GLRB: variants seen among roughly 807,000 people sequenced by gnomAD.
GLRB encodes glycine receptor subunit beta.
In GLRB, 33 loss-of-function variants were observed where a neutral mutation model predicts 54.2. That is an observed-to-expected ratio of 0.61 (90% CI 0.46 to 0.81). The LOEUF (loss-of-function observed/expected upper bound fraction) is 0.81. GLRB is among the 40% of genes least tolerant of loss of function. GLRB has a pLI of 0.00. For missense variants in GLRB, 572 were observed against 584.6 expected (o/e 0.98, Z 0.22); for synonymous variants, 209 against 208.2 (o/e 1.00, Z -0.03).
intron 2 of GLRB, among the ~76,000 whole-genome samples, chr4:157,100,887 C>G (rs939402132): frequency 1.4e-4 from 21 of 152,164 alleles, no homozygotes; most frequent in African/African-American, 5.1e-4. Context: ...ACCCTGTGGC[C>G]AATTACTGTT....
At chr4:157,079,644 A>G (rs1449596513) in intron 2 of GLRB, among the ~76,000 whole-genome samples, 1 of 152,138 alleles carries the variant, frequency 6.6e-6, no homozygotes, top group African/African-American at 2.4e-5. Flanking sequence ...CCATCTGCCC[A>G]GCTGGATATC....
At chr4:157,123,798 G>A (rs537457802) in intron 4 of GLRB, among the ~76,000 whole-genome samples, 1 of 151,580 alleles carries the variant, frequency 6.6e-6, no homozygotes, top group Non-Finnish European at 1.5e-5. Flanking sequence ...TGGTTATCTA[G>A]CACGACACCA....
intron 2 of GLRB, among the ~76,000 whole-genome samples, chr4:157,093,313 A>G (rs913490216): frequency 5.9e-5 from 9 of 152,200 alleles, no homozygotes; most frequent in African/African-American, 2.2e-4. Context: ...GACATTTTGT[A>G]AATAAGAAAC....
At chr4:157,105,517 A>T (rs199514075) in intron 2 of GLRB, among the ~76,000 whole-genome samples, 2 of 150,842 alleles carry the variant, frequency 1.3e-5, no homozygotes, top group Admixed American at 1.3e-4. Flanking sequence ...AATGTTCTGT[A>T]TTTTTTTTTA....
intron 2 of GLRB, among the ~76,000 whole-genome samples, 170 bp from the exon 3 acceptor site, chr4:157,120,385 AT>A (rs1288965292): frequency 1.3e-5 from 2 of 149,962 alleles, no homozygotes; most frequent in Non-Finnish European, 3.0e-5. Flanking sequence ...AAATATAATA[AT>A]AATAAAATAA....
intron 8 of GLRB, among the ~76,000 whole-genome samples, chr4:157,145,513 A>G (rs1736774321): frequency 6.6e-6 from 1 of 152,200 alleles, no homozygotes; most frequent in South Asian, 2.1e-4. Context: ...AAGCAGTTCT[A>G]CATATTTTGA....
chr4:157,156,733 A>C (rs958993047), intron 9 of GLRB, among the ~76,000 whole-genome samples: 1 of 152,068 alleles, frequency 6.6e-6, no homozygotes, highest in Non-Finnish European at 1.5e-5. Context: ...AATTTTTATC[A>C]TGAATGTTGT....
intron 2 of GLRB, among the ~76,000 whole-genome samples, chr4:157,092,974 G>A (rs1223442920): frequency 3.3e-5 from 5 of 152,036 alleles, no homozygotes; most frequent in East Asian, 1.9e-4. Flanking sequence ...GTTAAACTTC[G>A]GTCTTCTGCT....
At chr4:157,150,677 T>A (rs2126598020) in intron 8 of GLRB, among the ~76,000 whole-genome samples, 1 of 152,164 alleles carries the variant, frequency 6.6e-6, no homozygotes, top group African/African-American at 2.4e-5. Flanking sequence ...CTTTCAATGT[T>A]TTCCTGACAA....
chr4:157,104,770 G>A (rs1207304623), intron 2 of GLRB, among the ~76,000 whole-genome samples: 6 of 151,802 alleles, frequency 4.0e-5, no homozygotes, highest in Admixed American at 3.9e-4. Flanking sequence ...GTTTCTTTAT[G>A]ATTCAGTCTT....
At chr4:157,137,550 T>C (rs1736447929) in intron 6 of GLRB, among the ~76,000 whole-genome samples, 1 of 151,750 alleles carries the variant, frequency 6.6e-6, no homozygotes. Context: ...AATAAGGTCG[T>C]CTATTTCTTC....
intron 9 of GLRB, among the ~76,000 whole-genome samples, chr4:157,153,515 T>C (rs1218373577): frequency 6.6e-6 from 1 of 152,170 alleles, no homozygotes; most frequent in African/African-American, 2.4e-5. Context: ...ACTTGTTTAT[T>C]GGATGTCTGG....
intron 9 of GLRB, among the ~76,000 whole-genome samples, chr4:157,162,175 G>T: frequency 6.6e-6 from 1 of 152,306 alleles, no homozygotes; most frequent in East Asian, 1.9e-4. Context: ...ATGGTTTTCA[G>T]CTCCATCAGG....
intron 8 of GLRB, 44 bp from the exon 9 acceptor site, chr4:157,152,674 A>G (rs1289971833): frequency 1.3e-6 from 2 of 1,494,558 alleles, no homozygotes; most frequent in African/African-American, 2.8e-5. Context: ...AGAACATCTC[A>G]TAGGGATAAA....
chr4:157,117,095 C>T (rs1172876060), intron 2 of GLRB, among the ~76,000 whole-genome samples: 2 of 151,556 alleles, frequency 1.3e-5, no homozygotes, highest in African/African-American at 4.8e-5. Context: ...GAAGAGTGAA[C>T]TGATAGAAAG....
intron 2 of GLRB, among the ~76,000 whole-genome samples, chr4:157,079,884 T>C (rs1734164891): frequency 6.6e-6 from 1 of 152,208 alleles, no homozygotes; most frequent in South Asian, 2.1e-4. Flanking sequence ...GTTGTCTATG[T>C]CATATAGTCA....
intron 8 of GLRB, among the ~76,000 whole-genome samples, chr4:157,144,160 T>C (rs536241327): frequency 1.3e-5 from 2 of 152,334 alleles, no homozygotes; most frequent in African/African-American, 4.8e-5. Context: ...AAGTTTCTCT[T>C]TTCATGTCCT....
chr4:157,083,316 T>C (rs1355949442), intron 2 of GLRB, among the ~76,000 whole-genome samples: 1 of 152,114 alleles, frequency 6.6e-6, no homozygotes, highest in East Asian at 1.9e-4. Flanking sequence ...GAAAGTAGAC[T>C]TTGTTGCTTG....
In GLRB at chr4:157,132,874, C is replaced by T. The variant is rs150898107; in HGVS notation, c.298-3595C>T. ...CAAGTAGTCCACACAACAAGTTTGC[C>T]ATGTTACTTCATGTATCTCTAGCCA... On this transcript the variant is annotated intron_variant, in intron 4 of 9. Coordinates refer to ENST00000264428, the MANE Select transcript of GLRB (RefSeq NM_000824.5). 2.1e-3 allele frequency among the ~76,000 whole-genome samples: 322 copies of T among 151,966 alleles called. 1 individual carries two copies. Among genetic ancestry groups the T allele is most frequent in the Admixed American group, 3.6e-3 (55 of 15,210 alleles).
Sources: gnomAD v4.1 joint callset for allele counts (sites outside exome capture counted in the v4.1 genomes callset) on GRCh38, gnomAD v4.1.1 for gene constraint, MANE v1.5 for transcripts, NCBI Gene and HGNC (gene_info 2026-07-23, HGNC 2026-07-21) for gene names.